AGK: variants seen among roughly 807,000 people sequenced by gnomAD.
AGK encodes acylglycerol kinase, mitochondrial.
Under a neutral mutation model 66.4 loss-of-function variants are expected in AGK, and 52 were observed. The observed-to-expected ratio is 0.78, with a 90% confidence interval of 0.63 to 0.99. AGK has a LOEUF of 0.99. AGK is among the 50% of genes least tolerant of loss of function. The probability of loss-of-function intolerance (pLI) is 0.00; values close to 1 mark genes in which losing one functional copy is unlikely to be tolerated. For synonymous variants in AGK, 182 were observed against 181.1 expected (o/e 1.00, Z -0.04); for missense variants, 451 against 506.6 (o/e 0.89, Z 1.05).
At chr7:141,581,269 C>T (rs1795876526) in intron 2 of AGK, among the ~76,000 whole-genome samples, 1 of 151,690 alleles carries the variant, frequency 6.6e-6, no homozygotes, top group African/African-American at 2.4e-5. Context: ...CAAAGAGAGG[C>T]TGGGATGAAG....
At chr7:141,606,584 A>T (rs1796464950) in intron 5 of AGK, among the ~76,000 whole-genome samples, 1 of 152,166 alleles carries the variant, frequency 6.6e-6, no homozygotes, top group Non-Finnish European at 1.5e-5. Context: ...AATTTCCTGT[A>T]TTATTAACAT....
rs112743188 is a variant in AGK at position 141,615,650 on chromosome 7, A to G, written c.518+85A>G. 548 of 1,056,916 alleles carry G rather than the reference A, an allele frequency of 5.2e-4. 5 individuals carry two copies. In the African/African-American group the frequency reaches 7.2e-3, roughly 14 times the overall value. The allele number at this position is 1,056,916 out of a possible 1,614,324, so 65.5% of individuals were successfully genotyped here. A position where few individuals can be genotyped will look rare whatever the true frequency, so the allele number is the denominator to read the frequency against. ...TTATGTGTATGCTATAACTTTCTTG[A>G]GTTTTGATAGCCTGAAACTTCAAAT... On this transcript the variant is annotated intron_variant, in intron 8 of 15. Coordinates refer to ENST00000649286, the MANE Select transcript of AGK (RefSeq NM_018238.4).
chr7:141,641,793 T>A lies in AGK; in HGVS notation c.878-18T>A, dbSNP rs1420538817. 4.5e-6 allele frequency: 7 copies of A among 1,558,826 alleles called. No individual in the cohort carries two copies. The highest frequency in any genetic ancestry group is 6.1e-6 in the Non-Finnish European group (7 of 1,149,638). ...TGTTAATGGAAGAAACTGACCTGTA[T>A]CTAATGGATTCCCACAGCCCTTTCC... On this transcript the variant is annotated intron_variant, in intron 12 of 15. Coordinates refer to ENST00000649286, the MANE Select transcript of AGK (RefSeq NM_018238.4).
chr7:141,612,149 G>T (rs542514313), intron 6 of AGK, among the ~76,000 whole-genome samples: 2 of 152,330 alleles, frequency 1.3e-5, no homozygotes, highest in African/African-American at 4.8e-5. Context: ...GCACTAAAAA[G>T]AAGTGAGCTA....
chr7:141,601,280 G>C lies in AGK; in HGVS notation c.297G>C (p.Lys99Asn). The C allele has an allele frequency of 3.1e-6, 5 of 1,609,522 alleles. No individual in the cohort carries two copies. Among genetic ancestry groups the C allele is most frequent in the Non-Finnish European group, 4.2e-6 (5 of 1,177,410 alleles). The change falls in exon 5 of 16, where the codon AAG becomes AAC. Residue 99 changes from lysine to asparagine, a missense_variant and splice_region_variant. Coordinates refer to ENST00000649286, the MANE Select transcript of AGK (RefSeq NM_018238.4). ...CTGGCATGGATGTGACTATTGTTAA[G>C]GTAAGAATGGCTCCTGAATGTTTAT... ...HLSGMDVTIVKTDYEGQAKKL... is the reference protein window; with the variant it reads ...HLSGMDVTIVNTDYEGQAKKL...
chr7:141,555,263 G>T lies in AGK; in HGVS notation c.-14-190G>T, dbSNP rs539939843. Among the ~76,000 whole-genome samples the T allele has an allele frequency of 4.0e-4, 61 of 152,234 alleles. No individual in the cohort carries two copies. The highest frequency in any genetic ancestry group is 1.2e-3 in the African/African-American group (50 of 41,528). On this transcript the variant is annotated intron_variant, in intron 1 of 15. Coordinates refer to ENST00000649286, the MANE Select transcript of AGK (RefSeq NM_018238.4). The surrounding 1 kb of genome is among the most constrained non-coding windows in gnomAD (Gnocchi z 4.2). ...GGATGGATGTGTGGGTGGATGAGAA[G>T]ATGAAGATGATGGAAATAGAAGGGA...
intron 11 of AGK, among the ~76,000 whole-genome samples, chr7:141,637,630 A>G (rs1016159554): frequency 1.3e-5 from 2 of 152,214 alleles, no homozygotes; most frequent in African/African-American, 4.8e-5. Context: ...ACTGTGGACT[A>G]CAGACTATAT....
intron 5 of AGK, among the ~76,000 whole-genome samples, chr7:141,609,849 A>G (rs1037892682): frequency 4.6e-5 from 7 of 152,214 alleles, no homozygotes; most frequent in African/African-American, 1.7e-4. Context: ...TGCCATGAAT[A>G]ACAAAAGACA....
At chr7:141,586,875 A>G (rs1357615322) in intron 2 of AGK, among the ~76,000 whole-genome samples, 1 of 152,196 alleles carries the variant, frequency 6.6e-6, no homozygotes, top group Non-Finnish European at 1.5e-5. Context: ...TCAACTGTCC[A>G]TGATCAGGGT....
chr7:141,554,338 TAAA>T (rs77673587), intron 1 of AGK, among the ~76,000 whole-genome samples: 9 of 126,804 alleles, frequency 7.1e-5, no homozygotes, highest in Admixed American at 1.6e-4. Flanking sequence ...AGACCCTGTC[TAAA>T]AAAAAAAAAA....
At chr7:141,607,996 A>G (rs1294359467) in intron 5 of AGK, among the ~76,000 whole-genome samples, 1 of 151,868 alleles carries the variant, frequency 6.6e-6, no homozygotes, top group Non-Finnish European at 1.5e-5. Context: ...TTATTCATAC[A>G]CCTTTTCACA....
At chr7:141,583,584 G>A (rs537625183) in intron 2 of AGK, among the ~76,000 whole-genome samples, 87 of 146,976 alleles carry the variant, frequency 5.9e-4, no homozygotes, top group Middle Eastern at 6.8e-3. Context: ...AAAAATGGTG[G>A]TTGCCACTAA....
At chr7:141,642,042 G>A (rs1054245993) in intron 13 of AGK, 134 bp downstream of exon 13, 9 of 790,266 alleles carry the variant, frequency 1.1e-5, no homozygotes, top group Non-Finnish European at 1.8e-5. Flanking sequence ...GGAGAAAGAG[G>A]ATGTGGTGTG....
chr7:141,575,750 G>A (rs560750034), intron 2 of AGK, among the ~76,000 whole-genome samples: 55 of 146,868 alleles, frequency 3.7e-4, no homozygotes, highest in African/African-American at 1.3e-3. Flanking sequence ...TAAAAACAGG[G>A]ATTTTAGACC....
chr7:141,646,176 A>C lies in AGK; in HGVS notation c.976-3087A>C, dbSNP rs190057133. Among the ~76,000 whole-genome samples the C allele has an allele frequency of 3.4e-3, 516 of 152,208 alleles. 2 individuals carry two copies. Among genetic ancestry groups the C allele is most frequent in the African/African-American group, 0.012 (480 of 41,528 alleles). ...GGCAGGATACAAGAGAGCCCCATGG[A>C]GAGGAGAGCCGCACCCAGAACCAAG... On this transcript the variant is annotated intron_variant, in intron 13 of 15. Transcript: ENST00000649286.
chr7:141,591,102 T>C (rs1356213558), intron 2 of AGK, among the ~76,000 whole-genome samples: 1 of 140,362 alleles, frequency 7.1e-6, no homozygotes, highest in African/African-American at 2.8e-5. Flanking sequence ...TTTTTTTTTT[T>C]TTTTTTTGAG....
At chr7:141,563,472 G>C (rs981671163) in intron 2 of AGK, among the ~76,000 whole-genome samples, 6 of 152,170 alleles carry the variant, frequency 3.9e-5, no homozygotes, top group Non-Finnish European at 7.3e-5. Context: ...TTGGCGCCTG[G>C]CTTATCAATG....
intron 3 of AGK, among the ~76,000 whole-genome samples, chr7:141,596,288 A>G (rs182795945): frequency 6.6e-6 from 1 of 152,334 alleles, no homozygotes; most frequent in Admixed American, 6.5e-5. Flanking sequence ...AAACCTAGCT[A>G]TATCTTATAG....
chr7:141,621,667 T>C (rs902303518), intron 8 of AGK, 65 bp from the exon 9 acceptor site: 2 of 1,006,286 alleles, frequency 2.0e-6, no homozygotes, highest in Non-Finnish European at 3.2e-6. Context: ...TGAGTGCATG[T>C]GGCAGTGTGG....
Sources: gnomAD v4.1 joint callset for allele counts (sites outside exome capture counted in the v4.1 genomes callset) on GRCh38, gnomAD v4.1.1 for gene constraint, Gnocchi (gnomAD v3.1) non-coding constraint, MANE v1.5 for transcripts, NCBI Gene and HGNC (gene_info 2026-07-23, HGNC 2026-07-21) for gene names.